GSS: variants seen among roughly 807,000 people sequenced by gnomAD.
GSS encodes the protein glutathione synthetase, also known as GSH synthetase.
A neutral mutation model predicts 60.4 loss-of-function variants in GSS; 34 were observed. The ratio of observed to expected loss-of-function variants is 0.56; its 90% confidence interval spans 0.43 to 0.75. GSS has a LOEUF of 0.75. GSS is among the 30% of genes least tolerant of loss of function. The pLI is 0.00. For synonymous variants in GSS, 224 were observed against 239.0 expected, an observed-to-expected ratio of 0.94 and a Z score of 0.58; for missense variants, 499 against 595.1, an observed-to-expected ratio of 0.84 and a Z score of 1.68.
At chr20:34,930,983 C>T (rs1269581748) in intron 11 of GSS, among the ~76,000 whole-genome samples, 1 of 152,136 alleles carries the variant, frequency 6.6e-6, no homozygotes, top group Admixed American at 6.5e-5. Flanking sequence ...AAAATCCTCT[C>T]CTCTGGAGAG....
At chr20:34,938,110 G>A (rs1286252538) in intron 6 of GSS, among the ~76,000 whole-genome samples, 1 of 152,094 alleles carries the variant, frequency 6.6e-6, no homozygotes, top group Non-Finnish European at 1.5e-5. Context: ...TGCCCGCCTC[G>A]GCCTCCCAAA....
intron 6 of GSS, among the ~76,000 whole-genome samples, chr20:34,940,496 G>C (rs1177605403): frequency 6.6e-6 from 1 of 152,168 alleles, no homozygotes; most frequent in Non-Finnish European, 1.5e-5. Context: ...AAGAGTGGAG[G>C]TTTTAGAGGG....
At chr20:34,948,828 A>G (rs999373676) in intron 2 of GSS, among the ~76,000 whole-genome samples, 6 of 152,042 alleles carry the variant, frequency 3.9e-5, no homozygotes, top group African/African-American at 1.4e-4. Context: ...AAAAACCTAT[A>G]GCACGTGCAT....
intron 2 of GSS, among the ~76,000 whole-genome samples, chr20:34,949,053 T>A (rs898347616): frequency 1.8e-4 from 27 of 152,112 alleles, no homozygotes; most frequent in Admixed American, 1.3e-4. Flanking sequence ...TTTTTTTTTT[T>A]AAATGTTGGC....
In GSS at chr20:34,928,841, G is replaced by A. The variant is rs1252779442; in HGVS notation, c.1412C>T (p.Pro471Leu). 1 of 1,614,062 alleles carries A rather than the reference G, an allele frequency of 6.2e-7. No individual in the cohort carries two copies. The highest frequency in any genetic ancestry group is 8.5e-7 in the Non-Finnish European group (1 of 1,180,014). Reference sequence around the variant, plus strand: ...CTGGTTGTGCCCTCACACAGGGTATGGGTTGTCCAGGACTGCCACTCCCGC... The same window carrying A: ...CTGGTTGTGCCCTCACACAGGGTATAGGTTGTCCAGGACTGCCACTCCCGC... ...VAAGVAVLDN[P>L]YPV The change falls in exon 13 of 13, where the codon CCA becomes CTA. Residue 471 changes from proline (P) to leucine (L), a missense_variant. By Grantham distance (98) the Pro-to-Leu change is moderately conservative (BLOSUM62 -3). Transcript: ENST00000651619.
At chr20:34,955,895 A>G (rs1017043631), upstream of GSS, 8 of 152,366 alleles carry the variant, frequency 5.3e-5, no homozygotes, top group South Asian at 2.1e-4. Flanking sequence ...GAGGCCAGGA[A>G]GGGGCGGTCG....
chr20:34,935,102 T>C (rs1300068151), intron 9 of GSS, among the ~76,000 whole-genome samples: 2 of 152,114 alleles, frequency 1.3e-5, no homozygotes, highest in African/African-American at 4.8e-5. Flanking sequence ...CACCGAGTGG[T>C]TGTGAGGGTT....
chr20:34,954,621 G>A (rs2081604512), intron 1 of GSS: 1 of 153,332 alleles, frequency 6.5e-6, no homozygotes, highest in African/African-American at 2.4e-5. Context: ...TGGGCCCTTT[G>A]TTTTTCTCAT....
rs369420128 is a variant in GSS, at chr20:34,931,390, C to A, written c.1057G>T (p.Glu353Ter). 6.2e-7 allele frequency: 1 copy of A among 1,614,210 alleles called. No homozygotes were observed. The highest frequency in any genetic ancestry group is 2.2e-5 in the East Asian group (1 of 44,876). Reference protein sequence around the residue: ...VGEEGDQAIAEALAAPSRFVL... With the variant: ...VGEEGDQAIA ...AACCGGCTAGGGGCAGCAAGGGCCT[C>A]GGCGATGGCCTGGTCCCCTTCTTCA... is the stretch of plus-strand genomic sequence containing the variant. Residue 353 changes from glutamate to a stop codon, truncating the protein, a stop_gained, in exon 11 of 13, where the codon GAG (glutamate) becomes TAG (stop). Coordinates refer to ENST00000651619, the MANE Select transcript of GSS (RefSeq NM_000178.4). LOFTEE classifies it high-confidence loss of function.
intron 12 of GSS, 154 bp from the exon 13 acceptor site, chr20:34,929,105 A>AG (rs1157226543): frequency 2.2e-6 from 2 of 907,446 alleles, no homozygotes; most frequent in Non-Finnish European, 3.5e-6. Context: ...GTCTCCTTCT[A>AG]GTCCTAGGTT....
intron 2 of GSS, among the ~76,000 whole-genome samples, chr20:34,948,209 A>G (rs1287912169): frequency 6.6e-6 from 1 of 152,152 alleles, no homozygotes; most frequent in African/African-American, 2.4e-5. Context: ...AATGGGAATG[A>G]CTGCAGATTA....
chr20:34,931,143 G>T (rs2081397775), intron 11 of GSS, among the ~76,000 whole-genome samples, 193 bp downstream of exon 11: 1 of 152,184 alleles, frequency 6.6e-6, no homozygotes, highest in African/African-American at 2.4e-5. Flanking sequence ...CTTCAATGCT[G>T]GTTAATCAGA....
chr20:34,951,659 C>G, intron 2 of GSS, 65 bp downstream of exon 2: 10 of 1,546,484 alleles, frequency 6.5e-6, no homozygotes, highest in Non-Finnish European at 8.8e-6. Flanking sequence ...AGGAGTGACC[C>G]TCAGCCTGGC....
intron 6 of GSS, among the ~76,000 whole-genome samples, chr20:34,940,623 G>A (rs879383737): frequency 2.0e-5 from 3 of 152,170 alleles, no homozygotes; most frequent in Admixed American, 6.6e-5. Flanking sequence ...ATTGACCTCA[G>A]AGAGCTTATT....
intron 9 of GSS, among the ~76,000 whole-genome samples, chr20:34,932,760 A>T (rs889679988): frequency 2.6e-5 from 4 of 152,182 alleles, no homozygotes; most frequent in Non-Finnish European, 4.4e-5. Context: ...CAGTTACCTG[A>T]GACTAAAACA....
At chr20:34,947,330 T>C (rs1305806036) in intron 2 of GSS, among the ~76,000 whole-genome samples, 1 of 152,196 alleles carries the variant, frequency 6.6e-6, no homozygotes, top group East Asian at 1.9e-4. Flanking sequence ...TCAAGTGATC[T>C]GCCTGCCTCA....
chr20:34,930,400 G>C (rs1427838664), intron 11 of GSS, among the ~76,000 whole-genome samples: 1 of 152,050 alleles, frequency 6.6e-6, no homozygotes, highest in Non-Finnish European at 1.5e-5. Context: ...GCCCCTCCTG[G>C]ACCTTCCTAC....
chr20:34,931,183 G>A (rs2081398181), intron 11 of GSS, among the ~76,000 whole-genome samples, 153 bp downstream of exon 11: 1 of 152,180 alleles, frequency 6.6e-6, no homozygotes, highest in Admixed American at 6.5e-5. Context: ...TTGGTCACAG[G>A]GTCTTAGGGG....
At chr20:34,941,883 T>TG in intron 5 of GSS, 54 bp from the exon 6 acceptor site, 1 of 936,000 alleles carries the variant, frequency 1.1e-6, no homozygotes, top group Non-Finnish European at 1.8e-6. Flanking sequence ...AAGACCCCTC[T>TG]GCCCATGACC....
Sources: allele counts gnomAD v4.1 joint callset (sites outside exome capture counted in the v4.1 genomes callset), GRCh38; gene constraint gnomAD v4.1.1; transcripts MANE v1.5; gene names NCBI Gene and HGNC (gene_info 2026-07-23, HGNC 2026-07-21).